Variants in ZC2HC1B observed in about 807,000 individuals in gnomAD.
The protein encoded by ZC2HC1B is zinc finger C2HC domain-containing protein 1B.
In ZC2HC1B, 36 loss-of-function variants were observed where a neutral mutation model predicts 31.0. That is an observed-to-expected ratio of 1.16 (90% CI 0.89 to 1.54). The LOEUF (loss-of-function observed/expected upper bound fraction) is 1.54, where lower values mean the gene tolerates loss of function less well. Among genes scored for constraint, ZC2HC1B ranks in the 40% most tolerant of loss-of-function variants. The probability of loss-of-function intolerance (pLI) is 0.00; values close to 1 mark genes in which losing one functional copy is unlikely to be tolerated. For synonymous variants in ZC2HC1B, 73 were observed against 88.0 expected (o/e 0.83, Z 0.95); for missense variants, 260 against 268.6 (o/e 0.97, Z 0.22).
chr6:143,879,899 A>G (rs925986328), intron 1 of ZC2HC1B, among the ~76,000 whole-genome samples: 2 of 132,796 alleles, frequency 1.5e-5, no homozygotes, highest in South Asian at 4.6e-4. Context: ...ATCATGGCTC[A>G]CTGCAACCTC....
chr6:143,931,498 A>G (rs1357110294), intron 6 of ZC2HC1B, among the ~76,000 whole-genome samples: 1 of 152,168 alleles, frequency 6.6e-6, no homozygotes, highest in Non-Finnish European at 1.5e-5. Context: ...AGCTCCTTTT[A>G]GCAGTTCTTG....
Position 143,924,596 on chromosome 6 carries a change from G to A in ZC2HC1B, c.599-13053G>A. ...GGTGGAACTGGGTATCCAATGTCTT[G>A]TTACAGGTCTTTCAGCTTCTCCCCA... On this transcript the variant is annotated intron_variant, in intron 6 of 7. Coordinates refer to ENST00000237275, the MANE Select transcript of ZC2HC1B (RefSeq NM_001013623.3). This position sits in a 1 kb window ranked among gnomAD's most constrained non-coding sequence, Gnocchi z 5.2. 6.6e-6 allele frequency among the ~76,000 whole-genome samples: 1 copy of A among 152,058 alleles called. No individual in the cohort carries two copies. The highest frequency in any genetic ancestry group is 6.6e-5 in the Admixed American group (1 of 15,266).
chr6:143,874,945 G>A (rs535763910), intron 1 of ZC2HC1B, among the ~76,000 whole-genome samples: 13 of 152,134 alleles, frequency 8.5e-5, no homozygotes, highest in East Asian at 1.9e-4. Context: ...GGATTCTCCC[G>A]CCTCAGCCCC....
Position 143,903,213 on chromosome 6 carries a change from G to A in ZC2HC1B, c.598+61G>A. On this transcript the variant is annotated intron_variant, in intron 6 of 7. Coordinates refer to ENST00000237275, the MANE Select transcript of ZC2HC1B (RefSeq NM_001013623.3). This position sits in a 1 kb window ranked among gnomAD's most constrained non-coding sequence, Gnocchi z 4.3. ...GGGGGTCAGAGGAGATCACTGTTGG[G>A]TTTGGGATTCACTGGTAGTCTGCAA... 9.0e-6 allele frequency: 13 copies of A among 1,446,192 alleles called. No individual in the cohort carries two copies. Among genetic ancestry groups the A allele is most frequent in the South Asian group, 1.2e-5 (1 of 81,692 alleles). The allele number at this position is 1,446,192 out of a possible 1,614,324, so 89.6% of individuals were successfully genotyped here.
intron 1 of ZC2HC1B, among the ~76,000 whole-genome samples, chr6:143,867,735 T>G (rs1162061571): frequency 1.3e-5 from 2 of 152,220 alleles, no homozygotes; most frequent in Non-Finnish European, 2.9e-5. Context: ...CTTGAGATTA[T>G]GAAGGCAGTG....
chr6:143,875,464 A>AT (rs1218289899), intron 1 of ZC2HC1B, among the ~76,000 whole-genome samples: 3 of 150,294 alleles, frequency 2.0e-5, no homozygotes, highest in East Asian at 1.9e-4. Flanking sequence ...AACTATTAGA[A>AT]TTTTTTTTAA....
Position 143,918,873 on chromosome 6 carries a change from A to G in ZC2HC1B, c.598+15721A>G, listed in dbSNP as rs550845534. 1.3e-5 allele frequency among the ~76,000 whole-genome samples: 2 copies of G among 151,450 alleles called. No homozygotes were observed. The highest frequency in any genetic ancestry group is 2.1e-4 in the South Asian group (1 of 4,774). On this transcript the variant is annotated intron_variant, in intron 6 of 7. Transcript: ENST00000237275. This position sits in a 1 kb window ranked among gnomAD's most constrained non-coding sequence, Gnocchi z 4.1. ...GTAAAGTTTTCATTTCATTTATTCT[A>G]TTTTTCAGTTCTAGAATTTTATTTG...
rs1199185215 is a variant in ZC2HC1B at position 143,884,748 on chromosome 6, GC to G, written c.90+384del. ...TGAATTTTAGACATCTGGAAACCTGGCTTTTAGCCTCAAATTTGTCACTAAT... is the reference window on the plus strand; with the variant it reads ...TGAATTTTAGACATCTGGAAACCTGGTTTTAGCCTCAAATTTGTCACTAAT... On this transcript the variant is annotated intron_variant, in intron 2 of 7. Transcript: ENST00000237275. The surrounding 1 kb of genome is among the most constrained non-coding windows in gnomAD (Gnocchi z 5.1). Among the ~76,000 whole-genome samples, 2 of 152,166 alleles carry G rather than the reference GC, an allele frequency of 1.3e-5. No individual in the cohort carries two copies. Among genetic ancestry groups the G allele is most frequent in the East Asian group, 1.9e-4 (1 of 5,200 alleles).
At chr6:143,882,746 C>A (rs1777484435) in intron 1 of ZC2HC1B, among the ~76,000 whole-genome samples, 2 of 152,014 alleles carry the variant, frequency 1.3e-5, no homozygotes, top group Admixed American at 6.6e-5. Context: ...TGTCTCTAAC[C>A]CTGACCTCCC....
At chr6:143,935,646 CTTT>C (rs759896830) in intron 6 of ZC2HC1B, among the ~76,000 whole-genome samples, 207 of 55,772 alleles carry the variant, frequency 3.7e-3, no homozygotes, top group African/African-American at 0.012. Flanking sequence ...TGGTATCACT[CTTT>C]TTTTTTTTTT....
chr6:143,898,819 T>G (rs1655142878), intron 5 of ZC2HC1B, 128 bp downstream of exon 5: 2 of 1,203,792 alleles, frequency 1.7e-6, no homozygotes, highest in African/African-American at 3.1e-5. Context: ...TGATCATGAT[T>G]GCTCACCCCT....
chr6:143,881,253 A>G (rs988427994), intron 1 of ZC2HC1B, among the ~76,000 whole-genome samples: 1 of 152,068 alleles, frequency 6.6e-6, no homozygotes, highest in African/African-American at 2.4e-5. Flanking sequence ...TGCATGTATC[A>G]GTGGTGTTCT....
rs1356764263 is a variant in ZC2HC1B, at chr6:143,921,936, C to G, written c.599-15713C>G. On this transcript the variant is annotated intron_variant, in intron 6 of 7. Coordinates refer to ENST00000237275, the MANE Select transcript of ZC2HC1B (RefSeq NM_001013623.3). This position sits in a 1 kb window ranked among gnomAD's most constrained non-coding sequence, Gnocchi z 6.1. Reference sequence around the variant, plus strand: ...TGGGTGACAAAGTAAGTCCTTTTCTCTTAAAAAAAATAAAAATAAAGTTGC... The same window carrying G: ...TGGGTGACAAAGTAAGTCCTTTTCTGTTAAAAAAAATAAAAATAAAGTTGC... Among the ~76,000 whole-genome samples the G allele has an allele frequency of 6.6e-6, 1 of 151,952 alleles. No individual in the cohort carries two copies. Among genetic ancestry groups the G allele is most frequent in the African/African-American group, 2.4e-5 (1 of 41,328 alleles).
At chr6:143,873,012 C>A (rs1777360445) in intron 1 of ZC2HC1B, among the ~76,000 whole-genome samples, 1 of 152,170 alleles carries the variant, frequency 6.6e-6, no homozygotes, top group Admixed American at 6.5e-5. Context: ...ATCCAAAACT[C>A]CACAGTCCAA....
rs1777948569 is a variant in ZC2HC1B, at chr6:143,918,682, C to A, written c.598+15530C>A. 1.3e-5 allele frequency among the ~76,000 whole-genome samples: 2 copies of A among 152,142 alleles called. No homozygotes were observed. Among genetic ancestry groups the A allele is most frequent in the African/African-American group, 4.8e-5 (2 of 41,428 alleles). ...TGCTCCTTCAGGTATTCCCACAATG[C>A]ATATGTTGGTCAGTTTGACAGTGTC... On this transcript the variant is annotated intron_variant, in intron 6 of 7. Coordinates refer to ENST00000237275, the MANE Select transcript of ZC2HC1B (RefSeq NM_001013623.3). The surrounding 1 kb of genome is among the most constrained non-coding windows in gnomAD (Gnocchi z 4.1).
intron 5 of ZC2HC1B, among the ~76,000 whole-genome samples, chr6:143,900,993 C>T (rs1777731080): frequency 6.6e-6 from 1 of 151,818 alleles, no homozygotes; most frequent in African/African-American, 2.4e-5. Flanking sequence ...CACCCACCAC[C>T]ATGCCTGACT....
At chr6:143,888,283 C>A (rs779044380) in intron 4 of ZC2HC1B, among the ~76,000 whole-genome samples, 1 of 152,018 alleles carries the variant, frequency 6.6e-6, no homozygotes, top group Non-Finnish European at 1.5e-5. Context: ...ACACCAGTAC[C>A]AAACTGTTTT....
chr6:143,932,456 T>G (rs977366789), intron 6 of ZC2HC1B, among the ~76,000 whole-genome samples: 1 of 152,246 alleles, frequency 6.6e-6, no homozygotes, highest in South Asian at 2.1e-4. Context: ...TGTGGAAACT[T>G]TCCAGTGCAT....
chr6:143,899,752 CCA>C lies in ZC2HC1B; in HGVS notation c.489+1064_489+1065del, dbSNP rs961476733. Reference sequence around the variant, plus strand: ...GGACCGTTTCCAACAAAAGCGGATCCCACAGACTGTGGATCCTGAGCGCTATC... The same window carrying C: ...GGACCGTTTCCAACAAAAGCGGATCCCAGACTGTGGATCCTGAGCGCTATC... On this transcript the variant is annotated intron_variant, in intron 5 of 7. Coordinates refer to ENST00000237275, the MANE Select transcript of ZC2HC1B (RefSeq NM_001013623.3). This position sits in a 1 kb window ranked among gnomAD's most constrained non-coding sequence, Gnocchi z 5.0. 5.9e-5 allele frequency among the ~76,000 whole-genome samples: 9 copies of C among 152,152 alleles called. No individual in the cohort carries two copies. Among genetic ancestry groups the C allele is most frequent in the Non-Finnish European group, 1.3e-4 (9 of 68,028 alleles).
Sources: allele counts gnomAD v4.1 joint callset (sites outside exome capture counted in the v4.1 genomes callset), GRCh38; gene constraint gnomAD v4.1.1; non-coding constraint Gnocchi (gnomAD v3.1); transcripts MANE v1.5; gene names NCBI Gene and HGNC (gene_info 2026-07-23, HGNC 2026-07-21).